Variants in SMIM29 observed in about 807,000 individuals in gnomAD.
SMIM29 encodes the protein small integral membrane protein 29, also known as uncharacterized protein C6orf1.
A neutral mutation model predicts 12.9 loss-of-function variants in SMIM29; 4 were observed. The ratio of observed to expected loss-of-function variants is 0.31; its 90% confidence interval spans 0.15 to 0.71. The LOEUF (loss-of-function observed/expected upper bound fraction) is 0.71, where lower values mean the gene tolerates loss of function less well. SMIM29 is among the 30% of genes least tolerant of loss of function. SMIM29 has a pLI of 0.70. For synonymous variants in SMIM29, 50 were observed against 52.0 expected (o/e 0.96, Z 0.17); for missense variants, 122 against 138.1 (o/e 0.88, Z 0.58).
chr6:34,247,386 C>T lies in SMIM29; in HGVS notation c.137+81G>A, dbSNP rs1407499768. ...TTGTATCAGGATGGCTGAGGGACAT[C>T]TTACAGAAAAGTCAGAGCCTATGAG... On this transcript the variant is annotated intron_variant, in intron 3 of 4. Transcript: ENST00000476320. The T allele has an allele frequency of 6.5e-6, 9 of 1,382,426 alleles. No individual in the cohort carries two copies. The East Asian group carries it at 2.9e-4, about 44-fold the overall frequency. The allele number at this position is 1,382,426 out of a possible 1,614,324, so 85.6% of individuals were successfully genotyped here. A position where few individuals can be genotyped will look rare whatever the true frequency, so the allele number is the denominator to read the frequency against.
chr6:34,248,543 C>T lies in SMIM29; in HGVS notation c.-74+436G>A, dbSNP rs569034653. 24 of 985,466 alleles carry T rather than the reference C, an allele frequency of 2.4e-5. No individual in the cohort carries two copies. In the African/African-American group the frequency reaches 3.8e-4, roughly 16 times the overall value. 61.0% of individuals were successfully genotyped at this position (985,466 alleles called of 1,614,324 possible). On this transcript the variant is annotated intron_variant, in intron 1 of 4. Transcript: ENST00000476320. ...CAGGTCCCTCCCCTCCTGGCCTGAG[C>T]TGACAGGCAGAGGTGGAGAGGGTCA...
intron 1 of SMIM29, chr6:34,248,205 G>A (rs943986787): frequency 1.3e-4 from 124 of 985,298 alleles, no homozygotes; most frequent in Non-Finnish European, 1.4e-4. Flanking sequence ...GCCCTTTTGG[G>A]GCATTGGGCT....
In SMIM29 at chr6:34,247,732, A is replaced by G. The variant is rs546376777; in HGVS notation, c.60T>C (p.Tyr20=). Residue 20 remains tyrosine, a synonymous_variant, in exon 2 of 5, where the codon TAT becomes TAC. Coordinates refer to ENST00000476320, the MANE Select transcript of SMIM29 (RefSeq NM_001008703.4). ...TGATGAGGAAGAAGGGCCCCAACAC[A>G]TAGCCCACCATGGAGTCGCTGTTGG... ...PQANSDSMVG[Y]VLGPFFLITL... is the part of the protein sequence containing the mutation. 60 of 1,374,644 alleles carry G rather than the reference A, an allele frequency of 4.4e-5. No individual in the cohort carries two copies. The highest frequency in any genetic ancestry group is 6.9e-5 in the Admixed American group (2 of 29,110). The allele number at this position is 1,374,644 out of a possible 1,614,324, so 85.2% of individuals were successfully genotyped here.
At chr6:34,247,355 T>G in intron 3 of SMIM29, 112 bp downstream of exon 3, 1 of 1,514,078 alleles carries the variant, frequency 6.6e-7, no homozygotes, top group South Asian at 1.2e-5. Context: ...AAAACAAATT[T>G]CAGGCTTGTA....
Position 34,246,448 on chromosome 6 carries a change from C to G in SMIM29, c.*355G>C. ...ATATACTGAATACTATACATCTGGC[C>G]CCATCACCATGGAAACAACTCCAAA... On this transcript the variant is annotated 3_prime_UTR_variant, in exon 5 of 5. Transcript: ENST00000476320. 1 of 1,487,842 alleles carries G rather than the reference C, an allele frequency of 6.7e-7. No individual in the cohort carries two copies. The highest frequency in any genetic ancestry group is 9.0e-7 in the Non-Finnish European group (1 of 1,110,902). 92.2% of individuals were successfully genotyped at this position (1,487,842 alleles called of 1,614,324 possible).
In SMIM29 at chr6:34,246,792, A is replaced by G. The variant is rs771095288; in HGVS notation, c.*11T>C. The G allele has an allele frequency of 5.0e-6, 8 of 1,613,000 alleles. No homozygotes were observed. The highest frequency in any genetic ancestry group is 2.2e-5 in the South Asian group (2 of 91,088). On this transcript the variant is annotated 3_prime_UTR_variant, in exon 5 of 5. Transcript: ENST00000476320. ...ACCCCAGGCTCTGAAGGGTGGGGCAAGGGGGTCAGGTCACGTCTTGACATC... is the reference window on the plus strand; with the variant it reads ...ACCCCAGGCTCTGAAGGGTGGGGCAGGGGGGTCAGGTCACGTCTTGACATC...
chr6:34,247,330 G>A, intron 3 of SMIM29, 137 bp downstream of exon 3: 2 of 1,528,432 alleles, frequency 1.3e-6, no homozygotes, highest in Non-Finnish European at 1.8e-6. Context: ...TGAGTAACCT[G>A]AGGCTGGGGC....
At chr6:34,248,411 C>T in intron 1 of SMIM29, 1 of 985,422 alleles carries the variant, frequency 1.0e-6, no homozygotes, top group Non-Finnish European at 1.2e-6. Context: ...GCCCAAACAC[C>T]CTCTCCCCCA....
At chr6:34,247,411 G>A in intron 3 of SMIM29, 56 bp downstream of exon 3, 1 of 1,421,512 alleles carries the variant, frequency 7.0e-7, no homozygotes, top group Non-Finnish European at 9.6e-7. Flanking sequence ...GAGCCTATGA[G>A]CAGGAATTTC....
In SMIM29 at chr6:34,246,420, A is replaced by G; in HGVS notation, c.*383T>C. On this transcript the variant is annotated 3_prime_UTR_variant, in exon 5 of 5. Transcript: ENST00000476320. ...TAGCCACAAAACATTTTATTTACAA[A>G]ATATATACTGAATACTATACATCTG... 1 of 1,335,842 alleles carries G rather than the reference A, an allele frequency of 7.5e-7. No individual in the cohort carries two copies. The highest frequency in any genetic ancestry group is 2.6e-5 in the East Asian group (1 of 39,024). 82.7% of individuals were successfully genotyped at this position (1,335,842 alleles called of 1,614,324 possible).
intron 1 of SMIM29, 24 bp from the exon 2 acceptor site, chr6:34,247,888 T>C: frequency 1.6e-6 from 2 of 1,255,342 alleles, no homozygotes; most frequent in Non-Finnish European, 2.0e-6. Context: ...AGGGAGGTTA[T>C]CAGTTGCACC....
chr6:34,247,201 A>G lies in SMIM29; in HGVS notation c.138-52T>C, dbSNP rs369210514. The G allele has an allele frequency of 2.7e-5, 42 of 1,546,624 alleles. No homozygotes were observed. The African/African-American group carries it at 7.2e-4, about 27-fold the overall frequency. On this transcript the variant is annotated intron_variant, in intron 3 of 4. Coordinates refer to ENST00000476320, the MANE Select transcript of SMIM29 (RefSeq NM_001008703.4). ...TAGGAGGTCCCCCCAACCCTCATCA[A>G]ACACCTGGCTGCCTCGTCTCCTCCC...
Position 34,247,685 on chromosome 6 carries a change from G to A in SMIM29, c.107C>T (p.Ala36Val). The A allele has an allele frequency of 7.1e-7, 1 of 1,407,310 alleles. No homozygotes were observed. The highest frequency in any genetic ancestry group is 9.2e-7 in the Non-Finnish European group (1 of 1,087,380). The allele number at this position is 1,407,310 out of a possible 1,614,324, so 87.2% of individuals were successfully genotyped here. A position where few individuals can be genotyped will look rare whatever the true frequency, so the allele number is the denominator to read the frequency against. The change falls in exon 2 of 5, where the codon GCT becomes GTT. Residue 36 changes from alanine (A) to valine (V), a missense_variant. Physicochemically the swap from Ala to Val is moderately conservative, Grantham distance 64. Coordinates refer to ENST00000476320, the MANE Select transcript of SMIM29 (RefSeq NM_001008703.4). Reference sequence around the variant, plus strand: ...GTGTATATGAGGGCTCCTTACCACAGCCACCACCACCCCGACCAGGGTGAT... The same window carrying A: ...GTGTATATGAGGGCTCCTTACCACAACCACCACCACCCCGACCAGGGTGAT... ...FLITLVGVVV[A>V]VVMYVQKKKR...
chr6:34,247,795 A>G lies in SMIM29; in HGVS notation c.-4T>C, dbSNP rs1448114215. On this transcript the variant is annotated 5_prime_UTR_variant, in exon 2 of 5. It removes an upstream start codon present in the reference 5' UTR. Coordinates refer to ENST00000476320, the MANE Select transcript of SMIM29 (RefSeq NM_001008703.4). ...TGGGCACAGTGGTGTTACTCATGAC[A>G]TCAGCAGCCGGAGGGCTGGGTGGTC... is the stretch of plus-strand genomic sequence containing the variant. 7.7e-7 allele frequency: 1 copy of G among 1,291,616 alleles called. No individual in the cohort carries two copies. Among genetic ancestry groups the G allele is most frequent in the Non-Finnish European group, 9.8e-7 (1 of 1,023,840 alleles). 80.0% of individuals were successfully genotyped at this position (1,291,616 alleles called of 1,614,324 possible).
chr6:34,247,461 ACT>A lies in SMIM29; in HGVS notation c.137+4_137+5del. 6.3e-7 allele frequency: 1 copy of A among 1,578,136 alleles called. No homozygotes were observed. Reference sequence around the variant, plus strand: ...GTTAGGGCGGGTGGGGGACAGGGACACTCACCGCTTTTTCTTCTGTACATACA... The same window carrying A: ...GTTAGGGCGGGTGGGGGACAGGGACACACCGCTTTTTCTTCTGTACATACA... On this transcript the variant is annotated splice_donor_5th_base_variant and intron_variant, in intron 3 of 4. Coordinates refer to ENST00000476320, the MANE Select transcript of SMIM29 (RefSeq NM_001008703.4).
chr6:34,248,927 G>T, intron 1 of SMIM29, 52 bp downstream of exon 1: 1 of 985,610 alleles, frequency 1.0e-6, no homozygotes. Flanking sequence ...GTCACCCGAG[G>T]CGTGGACCCG....
chr6:34,246,904 G>A (rs775027280), intron 4 of SMIM29, 36 bp from the exon 5 acceptor site: 1 of 1,597,804 alleles, frequency 6.3e-7, no homozygotes, highest in South Asian at 1.1e-5. Flanking sequence ...AGGCTGGGCT[G>A]TGTTCCCTGG....
At chr6:34,247,912 G>C in intron 1 of SMIM29, 48 bp from the exon 2 acceptor site, 1 of 1,243,668 alleles carries the variant, frequency 8.0e-7, no homozygotes, top group Non-Finnish European at 1.0e-6. Flanking sequence ...GTGACATCCA[G>C]ACTCTGGATC....
At chr6:34,247,944 T>G in intron 1 of SMIM29, 80 bp from the exon 2 acceptor site, 1 of 1,234,152 alleles carries the variant, frequency 8.1e-7, no homozygotes, top group Admixed American at 4.2e-5. Context: ...GCTGAAGATC[T>G]ATGAAAACTG....
Sources: allele counts gnomAD v4.1 joint callset, GRCh38; gene constraint gnomAD v4.1.1; transcripts MANE v1.5; gene names NCBI Gene and HGNC (gene_info 2026-07-23, HGNC 2026-07-21).